CADM2: variants seen among roughly 807,000 people sequenced by gnomAD.
CADM2 encodes the protein cell adhesion molecule 2.
Under a neutral mutation model 49.8 loss-of-function variants are expected in CADM2, and 12 were observed. The observed-to-expected ratio is 0.24, with a 90% CI of 0.15 to 0.39. CADM2 has a LOEUF of 0.39. Among genes scored for constraint, CADM2 ranks in the 10% least tolerant of loss-of-function variants. The probability of loss-of-function intolerance (pLI) is 1.00; values close to 1 mark genes in which losing one functional copy is unlikely to be tolerated. For missense variants in CADM2, 378 were observed against 492.3 expected, an observed-to-expected ratio of 0.77 and a Z score of 2.20; for synonymous variants, 214 against 175.4, an observed-to-expected ratio of 1.22 and a Z score of -1.74.
chr3:85,989,803 G>C (rs1217624537), intron 8 of CADM2, among the ~76,000 whole-genome samples: 1 of 151,852 alleles, frequency 6.6e-6, no homozygotes, highest in Non-Finnish European at 1.5e-5. Flanking sequence ...CCTGAGGTCA[G>C]GAGTTCAAGA....
At chr3:85,852,424 G>T (rs917622087) in intron 3 of CADM2, among the ~76,000 whole-genome samples, 1 of 152,086 alleles carries the variant, frequency 6.6e-6, no homozygotes, top group Non-Finnish European at 1.5e-5. Context: ...CCTTTAAGAT[G>T]TGTAACACTC....
chr3:85,461,873 T>C (rs568141441), intron 1 of CADM2, among the ~76,000 whole-genome samples: 2 of 152,282 alleles, frequency 1.3e-5, no homozygotes, highest in East Asian at 3.9e-4. Context: ...ATAAATATAA[T>C]AAATATACAG....
chr3:85,329,485 G>A (rs1012791179), intron 1 of CADM2, among the ~76,000 whole-genome samples: 2 of 151,924 alleles, frequency 1.3e-5, no homozygotes, highest in African/African-American at 4.8e-5. Flanking sequence ...CAGAAGAATT[G>A]CTTGAACCCA....
chr3:85,454,955 C>T (rs1037809686), intron 1 of CADM2, among the ~76,000 whole-genome samples: 1 of 152,110 alleles, frequency 6.6e-6, no homozygotes, highest in African/African-American at 2.4e-5. Context: ...TTGATGGTTG[C>T]CTTGGTTGTT....
rs552344224 is a variant in CADM2, at chr3:85,946,919, TAGC to T, written c.791+11067_791+11069del. On this transcript the variant is annotated intron_variant, in intron 7 of 9. Transcript: ENST00000383699. ...TTCATGTCTAAAACACCAAAAGCAA[TAGC>T]AGCAAAAGCCAAAATTGATAAATGA... Among the ~76,000 whole-genome samples the T allele has an allele frequency of 7.2e-3, 1,102 of 152,108 alleles. 6 individuals are homozygous for T. The highest frequency in any genetic ancestry group is 0.02 in the Middle Eastern group (6 of 294).
At chr3:85,144,083 G>A (rs2039656837) in intron 1 of CADM2, among the ~76,000 whole-genome samples, 1 of 151,966 alleles carries the variant, frequency 6.6e-6, no homozygotes, top group South Asian at 2.1e-4. Flanking sequence ...TTCCCATTTG[G>A]ATTTCTACTG....
rs375634563 is a variant in CADM2 at position 85,843,369 on chromosome 3, CTT to C, written c.239-39920_239-39919del. Reference sequence around the variant, plus strand: ...AAGAATACGGTCTTTCTCTCTCTCTCTTTCCTCCTACCCAACCCCGCCCCCCA... The same window carrying C: ...AAGAATACGGTCTTTCTCTCTCTCTCTCCTCCTACCCAACCCCGCCCCCCA... On this transcript the variant is annotated intron_variant, in intron 3 of 9. Transcript: ENST00000383699. Among the ~76,000 whole-genome samples, 408 of 152,156 alleles carry C rather than the reference CTT, an allele frequency of 2.7e-3. 1 individual carries two copies. Among genetic ancestry groups the C allele is most frequent in the African/African-American group, 9.5e-3 (395 of 41,520 alleles).
At chr3:85,688,683 T>C (rs1328115021) in intron 1 of CADM2, among the ~76,000 whole-genome samples, 1 of 151,752 alleles carries the variant, frequency 6.6e-6, no homozygotes, top group Admixed American at 6.6e-5. Context: ...TTCTTCTGCC[T>C]CAGCCTCCCA....
chr3:85,289,019 G>A (rs1281159469), intron 1 of CADM2, among the ~76,000 whole-genome samples: 2 of 152,032 alleles, frequency 1.3e-5, no homozygotes, highest in African/African-American at 4.8e-5. Flanking sequence ...CTATGTACCA[G>A]GCATTTTGCT....
At chr3:85,484,078 C>T (rs2039322088) in intron 1 of CADM2, among the ~76,000 whole-genome samples, 1 of 151,756 alleles carries the variant, frequency 6.6e-6, no homozygotes, top group East Asian at 1.9e-4. Context: ...CTAAAGTAGC[C>T]TGGAGGCATA....
At chr3:85,666,076 G>A (rs746223314) in intron 1 of CADM2, among the ~76,000 whole-genome samples, 10 of 151,642 alleles carry the variant, frequency 6.6e-5, no homozygotes, top group Admixed American at 1.3e-4. Flanking sequence ...CAAAAATCAC[G>A]AGCATTCCTA....
chr3:85,588,732 A>G (rs2063015940), intron 1 of CADM2, among the ~76,000 whole-genome samples: 2 of 152,010 alleles, frequency 1.3e-5, no homozygotes, highest in Admixed American at 6.6e-5. Context: ...TATTTTGGCT[A>G]CATTTTGAGG....
intron 1 of CADM2, among the ~76,000 whole-genome samples, chr3:85,188,982 G>A (rs2041135512): frequency 6.6e-6 from 1 of 151,776 alleles, no homozygotes; most frequent in African/African-American, 2.4e-5. Context: ...AGTGAGCCGA[G>A]ATTGCGCCAC....
intron 7 of CADM2, among the ~76,000 whole-genome samples, chr3:85,957,000 C>T (rs1724147143): frequency 6.6e-6 from 1 of 151,622 alleles, no homozygotes; most frequent in African/African-American, 2.4e-5. Flanking sequence ...GATGAATTCT[C>T]TAAACCCCAA....
chr3:85,920,687 A>G (rs1718987988), intron 6 of CADM2, among the ~76,000 whole-genome samples: 1 of 151,674 alleles, frequency 6.6e-6, no homozygotes, highest in Admixed American at 6.6e-5. Flanking sequence ...TATGTTAAAT[A>G]TTAAAAGTAA....
Position 85,706,477 on chromosome 3 carries a change from A to G in CADM2, c.62-20045A>G, listed in dbSNP as rs563706952. 3.9e-5 allele frequency among the ~76,000 whole-genome samples: 6 copies of G among 152,254 alleles called. No individual in the cohort carries two copies. The East Asian group carries it at 1.2e-3, about 29-fold the overall frequency. ...CCTCTCCTTAACATTCACATTCCTAATGATACATTATGTTTTTCTGCCACA... is the reference window on the plus strand; with the variant it reads ...CCTCTCCTTAACATTCACATTCCTAGTGATACATTATGTTTTTCTGCCACA... On this transcript the variant is annotated intron_variant, in intron 1 of 9. Coordinates refer to ENST00000383699, the MANE Select transcript of CADM2 (RefSeq NM_001167675.2).
chr3:85,618,993 A>T (rs560844450), intron 1 of CADM2, among the ~76,000 whole-genome samples: 1 of 151,896 alleles, frequency 6.6e-6, no homozygotes, highest in Non-Finnish European at 1.5e-5. Context: ...GGGAGCTGAG[A>T]TCGGCCACTG....
chr3:85,523,864 A>G (rs867135566), intron 1 of CADM2, among the ~76,000 whole-genome samples: 19 of 152,154 alleles, frequency 1.2e-4, no homozygotes, highest in African/African-American at 3.6e-4. Flanking sequence ...TTGTTGATCT[A>G]TTTTAAATAA....
chr3:85,359,613 AT>A (rs1253565023), intron 1 of CADM2, among the ~76,000 whole-genome samples: 1 of 114,998 alleles, frequency 8.7e-6, no homozygotes, highest in East Asian at 2.7e-4. Flanking sequence ...TTCTCTGATT[AT>A]TTTTATTCCA....
Sources: gnomAD v4.1 joint callset for allele counts (sites outside exome capture counted in the v4.1 genomes callset) on GRCh38, gnomAD v4.1.1 for gene constraint, MANE v1.5 for transcripts, NCBI Gene and HGNC (gene_info 2026-07-23, HGNC 2026-07-21) for gene names.